The following BBX variants were observed in gnomAD, a reference collection of about 807,000 sequenced individuals.
BBX encodes the protein HMG box transcription factor BBX.
In BBX, 30 loss-of-function variants were observed where a neutral mutation model predicts 100.2. That is an observed-to-expected ratio of 0.30 (90% CI 0.22 to 0.41). The LOEUF (loss-of-function observed/expected upper bound fraction) is 0.41. Ranked by LOEUF, BBX falls within the 10% of genes least tolerant of loss-of-function variation. The pLI is 1.00. For missense variants in BBX, 1,023 were observed against 1,129.8 expected (o/e 0.91, Z 1.35); for synonymous variants, 376 against 388.1 (o/e 0.97, Z 0.37).
intron 3 of BBX, among the ~76,000 whole-genome samples, chr3:107,685,198 G>GA (rs1436477451): frequency 6.6e-6 from 1 of 152,152 alleles, no homozygotes; most frequent in Non-Finnish European, 1.5e-5. Flanking sequence ...AGTTTTAAGA[G>GA]AATAGGAAGC....
At position 107,748,926 on chromosome 3, in the gene BBX, A is replaced by G. The variant is rs1374225385; in HGVS notation, c.825+887A>G. Among the ~76,000 whole-genome samples, 7 of 152,076 alleles carry G rather than the reference A, an allele frequency of 4.6e-5. 1 individual carries two copies. ...TACTGCATAAATGGAATATAAAATG[A>G]TATCCTTTTGGCAGAAGAAAACCTA... On this transcript the variant is annotated intron_variant, in intron 9 of 17. Coordinates refer to ENST00000325805, the MANE Select transcript of BBX (RefSeq NM_001142568.3).
intron 3 of BBX, among the ~76,000 whole-genome samples, chr3:107,706,268 G>A (rs72941377): frequency 0.21 from 32,027 of 151,932 alleles, 5,603 homozygotes; most frequent in African/African-American, 0.48. Flanking sequence ...TGATCCACCC[G>A]CCTTGGCCTC....
intron 13 of BBX, among the ~76,000 whole-genome samples, chr3:107,779,020 T>TATATATATATATATATATATACACAC (rs1449263925): frequency 1.0e-5 from 1 of 95,812 alleles, no homozygotes; most frequent in African/African-American, 4.1e-5. Context: ...TATATATATA[T>TATATATATATATATATATATACACAC]ACACACACAC....
chr3:107,755,464 A>T, intron 9 of BBX, 134 bp from the exon 10 acceptor site: 2 of 679,126 alleles, frequency 2.9e-6, no homozygotes, highest in South Asian at 3.9e-5. Context: ...CCCAAATGTG[A>T]CATGTTTTGT....
chr3:107,565,301 A>AT (rs1242986516), intron 2 of BBX, among the ~76,000 whole-genome samples: 148 of 144,184 alleles, frequency 1.0e-3, no homozygotes, highest in Admixed American at 1.7e-3. Context: ...TCTTCTCTTT[A>AT]TTTTTTTTTT....
intron 15 of BBX, among the ~76,000 whole-genome samples, chr3:107,796,936 T>G (rs978507550): frequency 6.6e-6 from 1 of 152,188 alleles, no homozygotes; most frequent in East Asian, 1.9e-4. Flanking sequence ...CATTGCCAAG[T>G]AGTTTTTTAA....
chr3:107,530,398 A>G (rs2048075492), intron 2 of BBX, among the ~76,000 whole-genome samples: 1 of 152,018 alleles, frequency 6.6e-6, no homozygotes, highest in African/African-American at 2.4e-5. Context: ...AACAAAACAA[A>G]ACAAAACAAA....
rs531210292 is a variant in BBX at position 107,532,834 on chromosome 3, T to C, written c.-84+6436T>C. Among the ~76,000 whole-genome samples the C allele has an allele frequency of 1.1e-4, 17 of 152,346 alleles. No homozygotes were observed. In the South Asian group the frequency reaches 2.9e-3, roughly 26 times the overall value. On this transcript the variant is annotated intron_variant, in intron 2 of 17. Transcript: ENST00000325805. ...ATTTGCCAGGAACGTCTTCCCACTT[T>C]GCTAAATTTTAATTTGCCATACGTT...
intron 2 of BBX, among the ~76,000 whole-genome samples, chr3:107,552,110 G>A (rs895322191): frequency 3.3e-5 from 5 of 152,028 alleles, no homozygotes; most frequent in African/African-American, 9.6e-5. Flanking sequence ...GGGAGGCTGC[G>A]GCAGGCGGAT....
intron 2 of BBX, among the ~76,000 whole-genome samples, chr3:107,597,362 A>G (rs921598081): frequency 1.4e-4 from 22 of 152,206 alleles, no homozygotes; most frequent in Non-Finnish European, 2.1e-4. Flanking sequence ...TTTAAAAAGT[A>G]TCATTAGAGT....
At chr3:107,565,418 T>C (rs949599951) in intron 2 of BBX, among the ~76,000 whole-genome samples, 1 of 150,534 alleles carries the variant, frequency 6.6e-6, no homozygotes, top group African/African-American at 2.4e-5. Context: ...TAATATTTAT[T>C]TCACTACTAT....
chr3:107,676,832 GAATA>G (rs1559953472), intron 3 of BBX, among the ~76,000 whole-genome samples: 14 of 152,062 alleles, frequency 9.2e-5, no homozygotes, highest in Admixed American at 5.9e-4. Context: ...TTTTCATGCA[GAATA>G]GCTTTTTAAA....
At chr3:107,672,068 A>G (rs887959507) in intron 3 of BBX, among the ~76,000 whole-genome samples, 3 of 152,060 alleles carry the variant, frequency 2.0e-5, no homozygotes, top group African/African-American at 7.2e-5. Context: ...TTGGAGGCAA[A>G]TTGGAAAAGG....
intron 3 of BBX, among the ~76,000 whole-genome samples, chr3:107,675,334 C>G (rs1218162411): frequency 3.3e-5 from 5 of 152,134 alleles, no homozygotes; most frequent in Non-Finnish European, 7.4e-5. Flanking sequence ...TTTTGAGCAC[C>G]TGCGGAGGAA....
chr3:107,746,894 T>C (rs190952331), intron 8 of BBX, among the ~76,000 whole-genome samples: 1 of 152,340 alleles, frequency 6.6e-6, no homozygotes, highest in East Asian at 1.9e-4. Flanking sequence ...TACTGCTTAG[T>C]AAGTACCCTT....
intron 3 of BBX, among the ~76,000 whole-genome samples, chr3:107,709,456 C>T (rs917782249): frequency 1.3e-5 from 2 of 152,200 alleles, no homozygotes; most frequent in Non-Finnish European, 2.9e-5. Flanking sequence ...TGCAAACATA[C>T]TGAGCAAATA....
At chr3:107,713,201 G>A (rs1193563820) in intron 4 of BBX, among the ~76,000 whole-genome samples, 1 of 152,088 alleles carries the variant, frequency 6.6e-6, no homozygotes, top group African/African-American at 2.4e-5. Context: ...TCTTGTTTCT[G>A]CCTCATAAAT....
At chr3:107,645,427 A>G (rs765690209) in intron 2 of BBX, among the ~76,000 whole-genome samples, 1 of 152,150 alleles carries the variant, frequency 6.6e-6, no homozygotes, top group African/African-American at 2.4e-5. Flanking sequence ...TCTGAATCAC[A>G]GTTTATCTAG....
At chr3:107,798,853 AAAAC>A (rs2070063428) in intron 16 of BBX, 133 bp downstream of exon 16, 4 of 1,012,082 alleles carry the variant, frequency 4.0e-6, no homozygotes, top group African/African-American at 1.6e-5. Flanking sequence ...AAAAAAAACA[AAAAC>A]AAAAAAAACC....
Sources: allele counts gnomAD v4.1 joint callset (sites outside exome capture counted in the v4.1 genomes callset), GRCh38; gene constraint gnomAD v4.1.1; transcripts MANE v1.5; gene names NCBI Gene and HGNC (gene_info 2026-07-23, HGNC 2026-07-21).